MKLN1: variants seen among roughly 807,000 people sequenced by gnomAD.
The protein encoded by MKLN1 is muskelin.
Under a neutral mutation model 99.0 loss-of-function variants are expected in MKLN1, and 18 were observed. The observed-to-expected ratio is 0.18, with a 90% CI of 0.13 to 0.27. The LOEUF (loss-of-function observed/expected upper bound fraction) is 0.27, where lower values mean the gene tolerates loss of function less well. MKLN1 is among the 10% of genes least tolerant of loss of function. The pLI is 1.00. For synonymous variants in MKLN1, 288 were observed against 293.2 expected (o/e 0.98, Z 0.18); for missense variants, 621 against 875.9 (o/e 0.71, Z 3.67).
intron 12 of MKLN1, among the ~76,000 whole-genome samples, chr7:131,450,750 C>CT (rs1402047831): frequency 2.6e-5 from 4 of 152,308 alleles, no homozygotes; most frequent in Admixed American, 2.6e-4. Context: ...CAGATCTTAG[C>CT]TTGTAGATCG....
intron 7 of MKLN1, 48 bp from the exon 8 acceptor site, chr7:131,414,597 T>G: frequency 7.8e-7 from 1 of 1,287,916 alleles, no homozygotes; most frequent in Non-Finnish European, 1.1e-6. Flanking sequence ...ACTCTGGATA[T>G]GCTGTTCTTT....
chr7:131,307,072 C>G (rs1798477877), intron 3 of MKLN1, among the ~76,000 whole-genome samples: 1 of 152,010 alleles, frequency 6.6e-6, no homozygotes, highest in Non-Finnish European at 1.5e-5. Context: ...CCCATTTTAG[C>G]CACAACTACA....
chr7:131,133,820 G>GTTTTTTTT (rs1563226583), intron 1 of MKLN1, among the ~76,000 whole-genome samples: 1 of 24,056 alleles, frequency 4.2e-5, no homozygotes, highest in Non-Finnish European at 7.5e-5. Flanking sequence ...TTTTAATTTG[G>GTTTTTTTT]TTTTTTTTTT....
At chr7:131,470,749 CTCAGTA>C in intron 15 of MKLN1, 87 bp from the exon 16 acceptor site, 1 of 801,304 alleles carries the variant, frequency 1.2e-6, no homozygotes, top group Non-Finnish European at 2.1e-6. Flanking sequence ...ACTCCTCATA[CTCAGTA>C]TAACAGTGTA....
chr7:131,118,862 C>G (rs1238921517), intron 1 of MKLN1, among the ~76,000 whole-genome samples: 2 of 152,212 alleles, frequency 1.3e-5, no homozygotes, highest in Non-Finnish European at 2.9e-5. Flanking sequence ...TCACCTCCCA[C>G]CAGGTCCCTG....
At chr7:131,192,085 ATTATATATATATG>A (rs1470459020) in intron 2 of MKLN1, among the ~76,000 whole-genome samples, 2 of 82,350 alleles carry the variant, frequency 2.4e-5, no homozygotes, top group African/African-American at 4.7e-5. Flanking sequence ...ATACATATAT[ATTATATATATATG>A]TATATATATA....
intron 12 of MKLN1, among the ~76,000 whole-genome samples, chr7:131,452,013 G>A (rs1218551519): frequency 1.3e-5 from 2 of 152,176 alleles, no homozygotes; most frequent in African/African-American, 2.4e-5. Context: ...CTTACAACCT[G>A]ATGCTTGTTC....
At position 131,192,311 on chromosome 7, in the gene MKLN1, AATATAATAT is replaced by A. The variant is rs1796574143; in HGVS notation, c.-296-10542_-296-10534del. Among the ~76,000 whole-genome samples, 5 of 64,692 alleles carry A rather than the reference AATATAATAT, an allele frequency of 7.7e-5. 1 individual carries two copies. Among genetic ancestry groups the A allele is most frequent in the African/African-American group, 3.5e-4 (5 of 14,148 alleles). 42.4% of individuals were successfully genotyped at this position (64,692 alleles called of 152,430 possible). A position where few individuals can be genotyped will look rare whatever the true frequency, so the allele number is the denominator to read the frequency against. On this transcript the variant is annotated intron_variant, in intron 2 of 7. Coordinates refer to the MKLN1 transcript ENST00000416992. ...ATATATACAATATATAAATATATAA[AATATAATAT>A]ATACAATATATAAATATATAAAATA...
chr7:131,403,689 A>C (rs1794618738), intron 6 of MKLN1, among the ~76,000 whole-genome samples: 1 of 152,206 alleles, frequency 6.6e-6, no homozygotes, highest in African/African-American at 2.4e-5. Context: ...CTCAGGGAAT[A>C]GGGAGGCCCA....
chr7:131,397,424 A>G (rs760216947), intron 5 of MKLN1, 48 bp downstream of exon 5: 2 of 918,928 alleles, frequency 2.2e-6, no homozygotes, highest in East Asian at 2.5e-5. Flanking sequence ...AAAAGGAGAA[A>G]TATGTCAATC....
intron 1 of MKLN1, among the ~76,000 whole-genome samples, chr7:131,119,704 A>G (rs537482173): frequency 1.3e-5 from 2 of 152,240 alleles, no homozygotes; most frequent in African/African-American, 4.8e-5. Context: ...CCAACACCAC[A>G]TGGAAGCCAC....
At chr7:131,278,221 A>G (rs1798002684) in intron 3 of MKLN1, among the ~76,000 whole-genome samples, 1 of 151,790 alleles carries the variant, frequency 6.6e-6, no homozygotes, top group African/African-American at 2.4e-5. Context: ...TATTTTTTGT[A>G]GAGACAGGGT....
chr7:131,397,174 C>A, intron 4 of MKLN1, 93 bp from the exon 5 acceptor site: 1 of 800,340 alleles, frequency 1.2e-6, no homozygotes, highest in Non-Finnish European at 2.0e-6. Flanking sequence ...TTGAATGAAT[C>A]CTTATAAGGT....
chr7:131,209,552 T>C (rs1796869287), intron 3 of MKLN1, among the ~76,000 whole-genome samples: 1 of 152,142 alleles, frequency 6.6e-6, no homozygotes. Flanking sequence ...GGGTGGATGG[T>C]GATGCCATTT....
intron 1 of MKLN1, among the ~76,000 whole-genome samples, chr7:131,352,023 G>A (rs1388889308): frequency 2.6e-5 from 4 of 152,142 alleles, no homozygotes; most frequent in Admixed American, 2.6e-4. Context: ...TACTGGAAAA[G>A]CAAGACAAAT....
chr7:131,464,750 C>G (rs1796611523), intron 14 of MKLN1, among the ~76,000 whole-genome samples: 1 of 152,142 alleles, frequency 6.6e-6, no homozygotes, highest in African/African-American at 2.4e-5. Context: ...GTACCTTGTT[C>G]CGTGATATAA....
intron 2 of MKLN1, among the ~76,000 whole-genome samples, chr7:131,187,423 A>G (rs1445367107): frequency 2.0e-5 from 3 of 151,876 alleles, no homozygotes; most frequent in Non-Finnish European, 4.4e-5. Flanking sequence ...ATTGCTCTAG[A>G]GCAGAGGTCA....
chr7:131,422,794 G>C (rs1202536042), intron 8 of MKLN1, among the ~76,000 whole-genome samples: 1 of 151,538 alleles, frequency 6.6e-6, no homozygotes, highest in Non-Finnish European at 1.5e-5. Flanking sequence ...CATTTTAAAA[G>C]GTGTATGATG....
intron 3 of MKLN1, among the ~76,000 whole-genome samples, chr7:131,322,386 A>C (rs920284377): frequency 6.6e-6 from 1 of 152,166 alleles, no homozygotes; most frequent in Non-Finnish European, 1.5e-5. Flanking sequence ...GCTATAAAGA[A>C]CTACCTGAGA....
Sources: gnomAD v4.1 joint callset for allele counts (sites outside exome capture counted in the v4.1 genomes callset) on GRCh38, gnomAD v4.1.1 for gene constraint, MANE v1.5 for transcripts, NCBI Gene and HGNC (gene_info 2026-07-23, HGNC 2026-07-21) for gene names.